FOXP1: variants seen among roughly 807,000 people sequenced by gnomAD.
FOXP1 encodes forkhead box protein P1.
Under a neutral mutation model 98.2 loss-of-function variants are expected in FOXP1, and 15 were observed. The ratio of observed to expected loss-of-function variants is 0.15; its 90% CI spans 0.10 to 0.24. The LOEUF is 0.24. Among genes scored for constraint, FOXP1 ranks in the 10% least tolerant of loss-of-function variants. The probability of loss-of-function intolerance (pLI) is 1.00; values close to 1 mark genes in which losing one functional copy is unlikely to be tolerated. For synonymous variants in FOXP1, 371 were observed against 314.5 expected, an observed-to-expected ratio of 1.18 and a Z score of -1.90; for missense variants, 633 against 848.5, an observed-to-expected ratio of 0.75 and a Z score of 3.15.
intron 3 of FOXP1, among the ~76,000 whole-genome samples, chr3:71,470,732 C>T (rs1189319460): frequency 6.6e-6 from 1 of 152,146 alleles, no homozygotes; most frequent in African/African-American, 2.4e-5. Context: ...AGCAACACTT[C>T]TGTCTCCAGA....
chr3:71,257,952 T>C (rs1038296933), intron 5 of FOXP1, among the ~76,000 whole-genome samples: 3 of 152,112 alleles, frequency 2.0e-5, no homozygotes, highest in African/African-American at 7.2e-5. Flanking sequence ...GGAGCAAACA[T>C]GACAGTGAAC....
intron 7 of FOXP1, chr3:71,065,760 C>G (rs1372077574): frequency 6.6e-6 from 1 of 152,222 alleles, no homozygotes; most frequent in Non-Finnish European, 1.5e-5. Flanking sequence ...AAGCTACTCT[C>G]AATAAGCACT....
At chr3:71,167,257 C>G (rs1392166298) in intron 6 of FOXP1, among the ~76,000 whole-genome samples, 1 of 152,170 alleles carries the variant, frequency 6.6e-6, no homozygotes, top group Non-Finnish European at 1.5e-5. Flanking sequence ...ATGTCCCTTT[C>G]TTTCAGATTA....
intron 3 of FOXP1, among the ~76,000 whole-genome samples, chr3:71,428,710 G>A (rs2084390290): frequency 6.6e-6 from 1 of 152,196 alleles, no homozygotes. Flanking sequence ...TAGTTAGGCA[G>A]GTCATGAGAT....
chr3:71,007,497 TTTG>T (rs1369912977), intron 12 of FOXP1, among the ~76,000 whole-genome samples: 1 of 152,160 alleles, frequency 6.6e-6, no homozygotes, highest in Admixed American at 6.6e-5. Flanking sequence ...TAACATACAC[TTTG>T]TTTTTCCAAA....
At chr3:71,511,844 T>G (rs559056399) in intron 2 of FOXP1, among the ~76,000 whole-genome samples, 2 of 151,638 alleles carry the variant, frequency 1.3e-5, no homozygotes, top group Non-Finnish European at 2.9e-5. Context: ...AAGCCATGCA[T>G]GTATATATAG....
chr3:71,167,002 C>A (rs893557772), intron 6 of FOXP1, among the ~76,000 whole-genome samples: 1 of 151,958 alleles, frequency 6.6e-6, no homozygotes, highest in Non-Finnish European at 1.5e-5. Flanking sequence ...CTGTGACAGG[C>A]AGAATCAATC....
At chr3:71,508,462 T>A (rs1258449939) in intron 2 of FOXP1, among the ~76,000 whole-genome samples, 1 of 151,898 alleles carries the variant, frequency 6.6e-6, no homozygotes, top group Non-Finnish European at 1.5e-5. Context: ...GGTGCTGGAG[T>A]CAGACGGCCT....
At chr3:71,010,477 G>A (rs1302034046) in intron 12 of FOXP1, among the ~76,000 whole-genome samples, 1 of 152,062 alleles carries the variant, frequency 6.6e-6, no homozygotes, top group African/African-American at 2.4e-5. Context: ...GAAGCATTTC[G>A]GGACTATGCC....
At chr3:71,178,642 G>C (rs2108266641) in intron 6 of FOXP1, among the ~76,000 whole-genome samples, 1 of 152,040 alleles carries the variant, frequency 6.6e-6, no homozygotes, top group South Asian at 2.1e-4. Context: ...CCAGCACTTT[G>C]GGAGGCCGAG....
chr3:71,406,644 A>C (rs187693390), intron 3 of FOXP1, among the ~76,000 whole-genome samples: 1 of 151,922 alleles, frequency 6.6e-6, no homozygotes, highest in Admixed American at 6.6e-5. Context: ...GGGGCAGGTG[A>C]TCAACAACCT....
At chr3:71,153,732 C>T (rs1464822304) in intron 6 of FOXP1, among the ~76,000 whole-genome samples, 1 of 152,108 alleles carries the variant, frequency 6.6e-6, no homozygotes, top group Non-Finnish European at 1.5e-5. Flanking sequence ...CAAAGCTCCA[C>T]TCTGATCAAA....
chr3:71,268,754 G>A (rs1052042906), intron 5 of FOXP1, among the ~76,000 whole-genome samples: 1 of 152,154 alleles, frequency 6.6e-6, no homozygotes, highest in Non-Finnish European at 1.5e-5. Flanking sequence ...GGCGGTTATC[G>A]CTGGTGTGCT....
intron 5 of FOXP1, among the ~76,000 whole-genome samples, chr3:71,206,034 C>T (rs554433873): frequency 6.6e-6 from 1 of 152,266 alleles, no homozygotes; most frequent in Admixed American, 6.5e-5. Context: ...TTTGCTTGTC[C>T]ACTTTCCCCA....
chr3:70,957,771 T>C lies in FOXP1; in HGVS notation c.*1476A>G, dbSNP rs2032170428. The C allele has an allele frequency of 4.3e-6, 1 of 233,900 alleles. No individual in the cohort carries two copies. Among genetic ancestry groups the C allele is most frequent in the East Asian group, 6.0e-5 (1 of 16,554 alleles). The allele number at this position is 233,900 out of a possible 1,614,324, so 14.5% of individuals were successfully genotyped here. ...TTTTTGTGATACTGGGTTGGTGATA[T>C]AATATTGCATAACAAACTGCAGTAC... On this transcript the variant is annotated 3_prime_UTR_variant, in exon 21 of 21. Coordinates refer to ENST00000649528, the MANE Select transcript of FOXP1 (RefSeq NM_001349338.3).
At chr3:71,540,056 T>G (rs1323942079) in intron 2 of FOXP1, among the ~76,000 whole-genome samples, 1 of 152,264 alleles carries the variant, frequency 6.6e-6, no homozygotes, top group African/African-American at 2.4e-5. Flanking sequence ...GCAATAAATA[T>G]GCCCTTAAAT....
In FOXP1 at chr3:70,958,631, G is replaced by C; in HGVS notation, c.*616C>G. On this transcript the variant is annotated 3_prime_UTR_variant, in exon 21 of 21. Coordinates refer to ENST00000649528, the MANE Select transcript of FOXP1 (RefSeq NM_001349338.3). ...AGAACTTAAAATGGTATAGTAGAAG[G>C]AAAAAAAAAAAAAAAAAAAGCAATA... 1.0e-5 allele frequency: 1 copy of C among 98,280 alleles called. No individual in the cohort carries two copies. Among genetic ancestry groups the C allele is most frequent in the Non-Finnish European group, 2.1e-5 (1 of 48,648 alleles). The allele number at this position is 98,280 out of a possible 1,614,324, so 6.1% of individuals were successfully genotyped here. A position where few individuals can be genotyped will look rare whatever the true frequency, so the allele number is the denominator to read the frequency against.
chr3:71,557,972 A>G (rs2046259477), intron 2 of FOXP1, among the ~76,000 whole-genome samples: 1 of 152,126 alleles, frequency 6.6e-6, no homozygotes, highest in Admixed American at 6.5e-5. Flanking sequence ...ATGAGCCACC[A>G]CATCTGGCTG....
intron 6 of FOXP1, among the ~76,000 whole-genome samples, chr3:71,119,929 G>T (rs2107807083): frequency 6.6e-6 from 1 of 152,288 alleles, no homozygotes. Flanking sequence ...TAGAACATTT[G>T]GTTGTAACAA....
Sources: gnomAD v4.1 joint callset for allele counts (sites outside exome capture counted in the v4.1 genomes callset) on GRCh38, gnomAD v4.1.1 for gene constraint, MANE v1.5 for transcripts, NCBI Gene and HGNC (gene_info 2026-07-23, HGNC 2026-07-21) for gene names.